LRP1B: variants seen among roughly 807,000 people sequenced by gnomAD.
The protein encoded by LRP1B is low-density lipoprotein receptor-related protein 1B.
Under a neutral mutation model 556.6 loss-of-function variants are expected in LRP1B, and 217 were observed. That is an observed-to-expected ratio of 0.39 (90% CI 0.35 to 0.44). LRP1B has a LOEUF of 0.44. Among genes scored for constraint, LRP1B ranks in the 20% least tolerant of loss-of-function variants. The pLI, the probability that LRP1B is intolerant of heterozygous loss-of-function variation, is 1.00. For missense variants in LRP1B, 5,053 were observed against 5,620.8 expected (o/e 0.90, Z 3.23); for synonymous variants, 2,047 against 1,865.8 (o/e 1.10, Z -2.50).
At chr2:141,068,734 G>C (rs1699552678) in intron 7 of LRP1B, among the ~76,000 whole-genome samples, 1 of 151,778 alleles carries the variant, frequency 6.6e-6, no homozygotes, top group East Asian at 1.9e-4. Flanking sequence ...AAAATGATTT[G>C]GGGCTGCTTT....
At chr2:141,341,906 A>C (rs1054577343) in intron 3 of LRP1B, among the ~76,000 whole-genome samples, 1 of 152,158 alleles carries the variant, frequency 6.6e-6, no homozygotes, top group African/African-American at 2.4e-5. Flanking sequence ...AGCAGTCAGC[A>C]TCATTATCCT....
At chr2:141,714,793 G>A (rs1304262004) in intron 2 of LRP1B, among the ~76,000 whole-genome samples, 2 of 152,104 alleles carry the variant, frequency 1.3e-5, no homozygotes, top group Admixed American at 6.6e-5. Context: ...AGAGAGAAAA[G>A]CAGGTTTGCT....
intron 1 of LRP1B, among the ~76,000 whole-genome samples, chr2:141,906,360 A>G (rs953896448): frequency 1.3e-5 from 2 of 151,968 alleles, no homozygotes; most frequent in African/African-American, 4.8e-5. Flanking sequence ...CGTATATGCA[A>G]TTCACCATAC....
chr2:141,146,876 TTCTC>T (rs1159189367), intron 7 of LRP1B, among the ~76,000 whole-genome samples: 4 of 152,202 alleles, frequency 2.6e-5, no homozygotes, highest in Admixed American at 6.6e-5. Flanking sequence ...CTGTGCTGGT[TTCTC>T]TCTATTTTCC....
intron 1 of LRP1B, among the ~76,000 whole-genome samples, chr2:142,127,978 T>C (rs982990428): frequency 1.3e-5 from 2 of 152,128 alleles, no homozygotes; most frequent in Non-Finnish European, 2.9e-5. Context: ...CTGATTTATC[T>C]TCCAATTTTG....
At chr2:141,647,818 A>T (rs1689636999) in intron 2 of LRP1B, among the ~76,000 whole-genome samples, 1 of 151,936 alleles carries the variant, frequency 6.6e-6, no homozygotes, top group Admixed American at 6.6e-5. Context: ...ATTCTGCAAT[A>T]AAATTAAGAA....
intron 32 of LRP1B, among the ~76,000 whole-genome samples, chr2:140,782,687 A>C (rs1689742705): frequency 6.6e-6 from 1 of 152,198 alleles, no homozygotes; most frequent in South Asian, 2.1e-4. Flanking sequence ...AATATTGATA[A>C]TTAACATAAA....
In LRP1B at chr2:140,894,777, C is replaced by G. The variant is rs145872407; in HGVS notation, c.3766+8143G>C. 9.3e-4 allele frequency among the ~76,000 whole-genome samples: 142 copies of G among 151,984 alleles called. No individual in the cohort carries two copies. The East Asian group carries it at 0.026, about 28-fold the overall frequency. On this transcript the variant is annotated intron_variant, in intron 23 of 90. Coordinates refer to ENST00000389484, the MANE Select transcript of LRP1B (RefSeq NM_018557.3). ...CAGCCTGGCCAACATGGTGAAACCC[C>G]GTCTCTACAAAAATACAAAAATTAG...
intron 5 of LRP1B, among the ~76,000 whole-genome samples, chr2:141,237,938 C>A (rs1683705161): frequency 6.6e-6 from 1 of 151,974 alleles, no homozygotes; most frequent in South Asian, 2.1e-4. Context: ...AATATGAACT[C>A]CTCAATGTTT....
intron 7 of LRP1B, among the ~76,000 whole-genome samples, chr2:141,087,709 ACAG>A (rs1215000915): frequency 6.6e-6 from 1 of 152,190 alleles, no homozygotes; most frequent in African/African-American, 2.4e-5. Context: ...GGAAAACTTT[ACAG>A]CATGATGCTC....
intron 35 of LRP1B, among the ~76,000 whole-genome samples, chr2:140,724,807 T>TAAA (rs5834772): frequency 4.5e-5 from 5 of 110,618 alleles, no homozygotes; most frequent in African/African-American, 1.2e-4. Context: ...ATTATCGAGA[T>TAAA]AAAAAAATAA....
At chr2:141,690,553 CAACTGCAAATA>C (rs1691489616) in intron 2 of LRP1B, among the ~76,000 whole-genome samples, 1 of 149,116 alleles carries the variant, frequency 6.7e-6, no homozygotes, top group Non-Finnish European at 1.5e-5. Flanking sequence ...CAGTTGGGGT[CAACTGCAAATA>C]AACTAAGAAA....
intron 41 of LRP1B, among the ~76,000 whole-genome samples, chr2:140,664,344 A>T (rs1685196817): frequency 1.3e-5 from 2 of 152,198 alleles, no homozygotes; most frequent in South Asian, 2.1e-4. Context: ...CGCAAAATGC[A>T]ATAAAATGAG....
Position 140,416,410 on chromosome 2 carries a change from C to T in LRP1B, c.10414+26094G>A, listed in dbSNP as rs151223449. ...GTGGTTCATGCCTGTAATCCCAGCACTTGGGGAGGCTGAGGTGGGCAGATC... is the reference window on the plus strand; with the variant it reads ...GTGGTTCATGCCTGTAATCCCAGCATTTGGGGAGGCTGAGGTGGGCAGATC... On this transcript the variant is annotated intron_variant, in intron 66 of 90. Coordinates refer to ENST00000389484, the MANE Select transcript of LRP1B (RefSeq NM_018557.3). Among the ~76,000 whole-genome samples, 721 of 152,228 alleles carry T rather than the reference C, an allele frequency of 4.7e-3. 4 individuals are homozygous for T. Among genetic ancestry groups the T allele is most frequent in the Non-Finnish European group, 8.2e-3 (555 of 68,022 alleles).
chr2:141,218,464 G>A (rs1236816883), intron 6 of LRP1B, among the ~76,000 whole-genome samples: 3 of 152,122 alleles, frequency 2.0e-5, no homozygotes, highest in African/African-American at 7.2e-5. Flanking sequence ...ATAAAAGGAT[G>A]AAATCATGTC....
At chr2:141,501,822 G>A (rs1163733381) in intron 2 of LRP1B, among the ~76,000 whole-genome samples, 1 of 152,166 alleles carries the variant, frequency 6.6e-6, no homozygotes, top group Non-Finnish European at 1.5e-5. Context: ...GGTAGATTAA[G>A]AGAAATTGCT....
At chr2:140,996,798 G>C (rs891679282) in intron 15 of LRP1B, among the ~76,000 whole-genome samples, 1 of 151,888 alleles carries the variant, frequency 6.6e-6, no homozygotes, top group African/African-American at 2.4e-5. Flanking sequence ...AAAGATAAAA[G>C]ATAAAGACAA....
At chr2:140,621,386 A>G (rs1247276846) in intron 41 of LRP1B, among the ~76,000 whole-genome samples, 1 of 148,768 alleles carries the variant, frequency 6.7e-6, no homozygotes, top group African/African-American at 2.4e-5. Flanking sequence ...CTCTGTCTCA[A>G]AAAAAAAAAA....
chr2:141,202,342 ATC>A (rs1682067524), intron 6 of LRP1B, among the ~76,000 whole-genome samples: 1 of 152,116 alleles, frequency 6.6e-6, no homozygotes, highest in Non-Finnish European at 1.5e-5. Flanking sequence ...TTGATTCCAC[ATC>A]TTTGCTATTG....
Sources: gnomAD v4.1 joint callset for allele counts (sites outside exome capture counted in the v4.1 genomes callset) on GRCh38, gnomAD v4.1.1 for gene constraint, MANE v1.5 for transcripts, NCBI Gene and HGNC (gene_info 2026-07-23, HGNC 2026-07-21) for gene names.